Variants in ZNF536 observed in about 807,000 individuals in gnomAD.
The protein encoded by ZNF536 is zinc finger protein 536.
ZNF536 carries 13 observed loss-of-function variants against 84.5 expected under a neutral mutation model. The ratio of observed to expected loss-of-function variants is 0.15; its 90% CI spans 0.10 to 0.24. The LOEUF (loss-of-function observed/expected upper bound fraction) is 0.24. ZNF536 is among the 10% of genes least tolerant of loss of function. The probability of loss-of-function intolerance (pLI) is 1.00; values close to 1 mark genes in which losing one functional copy is unlikely to be tolerated. For synonymous variants in ZNF536, 811 were observed against 742.5 expected (o/e 1.09, Z -1.50); for missense variants, 1,536 against 1,747.5 (o/e 0.88, Z 2.16).
intron 2 of ZNF536, among the ~76,000 whole-genome samples, chr19:30,449,090 T>C (rs1270040202): frequency 6.6e-6 from 1 of 152,170 alleles, no homozygotes; most frequent in African/African-American, 2.4e-5. Flanking sequence ...CTCTGACAAA[T>C]TGAGAGGTCA....
intron 1 of ZNF536, among the ~76,000 whole-genome samples, chr19:30,625,909 A>C (rs1452354753): frequency 6.6e-6 from 1 of 152,256 alleles, no homozygotes; most frequent in Admixed American, 6.5e-5. Context: ...TGATTAAAAA[A>C]AAATGGTAGC....
Position 30,444,995 on chromosome 19 carries a change from A to G in ZNF536, c.1433A>G (p.His478Arg), listed in dbSNP as rs765623194. 2 of 1,611,306 alleles carry G rather than the reference A, an allele frequency of 1.2e-6. No individual in the cohort carries two copies. The highest frequency in any genetic ancestry group is 1.3e-5 in the African/African-American group (1 of 74,898). ...CTGTCTCCCATCTCCAGCATGGCCC[A>G]CGGCGTCCCGGAGGGGGACAAGCAC... The part of the protein sequence containing the change: ...KLLSPISSMA[H>R]GVPEGDKHSL... Residue 478 changes from histidine (H) to arginine (R), a missense_variant, in exon 2 of 5, where the codon CAC (histidine) becomes CGC (arginine). Transcript: ENST00000355537.
At chr19:30,684,549 C>T (rs2051098684) in intron 1 of ZNF536, among the ~76,000 whole-genome samples, 1 of 152,206 alleles carries the variant, frequency 6.6e-6, no homozygotes, top group African/African-American at 2.4e-5. Context: ...ACTCTTAGTT[C>T]TCATTTTTGC....
chr19:30,616,152 A>G (rs368226460), intron 1 of ZNF536, among the ~76,000 whole-genome samples: 4 of 152,162 alleles, frequency 2.6e-5, no homozygotes, highest in African/African-American at 9.7e-5. Flanking sequence ...CTTTTTTTAA[A>G]CAATTTTAGA....
chr19:30,338,474 A>G (rs1209276458), intron 2 of ZNF536, among the ~76,000 whole-genome samples: 1 of 141,612 alleles, frequency 7.1e-6, no homozygotes, highest in African/African-American at 2.8e-5. Flanking sequence ...GATGATGACA[A>G]TGATGATAGT....
chr19:30,586,336 G>A (rs183107157), intron 1 of ZNF536, among the ~76,000 whole-genome samples: 30 of 152,346 alleles, frequency 2.0e-4, no homozygotes, highest in Admixed American at 1.2e-3. Context: ...CCCAGCATGC[G>A]CTGGTTAGTG....
intron 2 of ZNF536, among the ~76,000 whole-genome samples, chr19:30,291,255 A>G (rs781318283): frequency 2.0e-5 from 3 of 152,194 alleles, no homozygotes; most frequent in Non-Finnish European, 2.9e-5. Context: ...TCCTTGAGGA[A>G]TTACCACACT....
intron 1 of ZNF536, among the ~76,000 whole-genome samples, chr19:30,264,415 G>A (rs2025393770): frequency 6.7e-6 from 1 of 148,394 alleles, no homozygotes; most frequent in Non-Finnish European, 1.5e-5. Flanking sequence ...GTGTGTGTGT[G>A]TGTGTATGTG....
At chr19:30,257,595 A>C (rs539613143) in intron 1 of ZNF536, among the ~76,000 whole-genome samples, 5 of 152,362 alleles carry the variant, frequency 3.3e-5, no homozygotes, top group African/African-American at 1.2e-4. Flanking sequence ...TGAGCTCATT[A>C]CTACCATGTG....
intron 2 of ZNF536, among the ~76,000 whole-genome samples, chr19:30,328,984 G>A (rs2047123501): frequency 6.6e-6 from 1 of 152,218 alleles, no homozygotes; most frequent in Non-Finnish European, 1.5e-5. Flanking sequence ...ATGGGAATTA[G>A]CACTGTAGAG....
rs540134372 is a variant in ZNF536 at position 30,545,988 on chromosome 19, G to T, written c.2324-1955G>T. Among the ~76,000 whole-genome samples, 20 of 152,362 alleles carry T rather than the reference G, an allele frequency of 1.3e-4. No individual in the cohort carries two copies. In the South Asian group the frequency reaches 3.7e-3, roughly 28 times the overall value. ...TTTCATCGCCTGGCCCTCCCGCAGG[G>T]CTTGCTCTCACTCGTAGGGCAGGAT... On this transcript the variant is annotated intron_variant, in intron 3 of 4. Coordinates refer to ENST00000355537, the MANE Select transcript of ZNF536 (RefSeq NM_014717.3).
chr19:30,437,751 C>T (rs1436345984), intron 1 of ZNF536, among the ~76,000 whole-genome samples: 1 of 152,204 alleles, frequency 6.6e-6, no homozygotes, highest in Non-Finnish European at 1.5e-5. Context: ...ATGCTGCAAA[C>T]TCAAGAGTTT....
intron 3 of ZNF536, among the ~76,000 whole-genome samples, chr19:30,357,760 C>T (rs964706263): frequency 3.3e-5 from 5 of 151,788 alleles, no homozygotes; most frequent in African/African-American, 7.3e-5. Context: ...CAGCTGTGGG[C>T]GCCTGGGGAG....
chr19:30,570,920 A>G (rs774711645), intron 1 of ZNF536, among the ~76,000 whole-genome samples: 19 of 152,116 alleles, frequency 1.2e-4, no homozygotes, highest in Non-Finnish European at 2.6e-4. Flanking sequence ...TTACTCCCCA[A>G]TAAAACACCC....
intron 2 of ZNF536, among the ~76,000 whole-genome samples, chr19:30,284,682 A>C (rs962719643): frequency 6.6e-6 from 1 of 152,208 alleles, no homozygotes; most frequent in Non-Finnish European, 1.5e-5. Context: ...AAAGGGTGAC[A>C]TATGTATTTG....
intron 3 of ZNF536, among the ~76,000 whole-genome samples, chr19:30,364,727 A>G (rs974851139): frequency 2.6e-5 from 4 of 152,194 alleles, no homozygotes; most frequent in Admixed American, 6.5e-5. Flanking sequence ...ACTGTATACA[A>G]GCAACTTGGC....
intron 1 of ZNF536, among the ~76,000 whole-genome samples, chr19:30,692,369 C>A (rs2051448362): frequency 6.6e-6 from 1 of 152,188 alleles, no homozygotes; most frequent in African/African-American, 2.4e-5. Context: ...AGTGGCTTTG[C>A]AGGCAGACGT....
chr19:30,349,136 G>A (rs1044170495), intron 2 of ZNF536, among the ~76,000 whole-genome samples: 1 of 152,148 alleles, frequency 6.6e-6, no homozygotes, highest in African/African-American at 2.4e-5. Context: ...ACTTCTTTTG[G>A]TTTAGTGAGA....
At chr19:30,662,729 C>T (rs953592130) in intron 1 of ZNF536, among the ~76,000 whole-genome samples, 12 of 151,990 alleles carry the variant, frequency 7.9e-5, no homozygotes, top group African/African-American at 2.9e-4. Flanking sequence ...GCCATTTCCC[C>T]ATGTTAATGC....
Sources: gnomAD v4.1 joint callset for allele counts (sites outside exome capture counted in the v4.1 genomes callset) on GRCh38, gnomAD v4.1.1 for gene constraint, MANE v1.5 for transcripts, NCBI Gene and HGNC (gene_info 2026-07-23, HGNC 2026-07-21) for gene names.